The following NRG1 variants were observed in gnomAD, a reference collection of about 807,000 sequenced individuals.
NRG1 encodes pro-neuregulin-1, membrane-bound isoform.
NRG1 carries 18 observed loss-of-function variants against 63.8 expected under a neutral mutation model. The ratio of observed to expected loss-of-function variants is 0.28; its 90% CI spans 0.19 to 0.42. The LOEUF (loss-of-function observed/expected upper bound fraction) is 0.42, where lower values mean the gene tolerates loss of function less well. NRG1 is among the 10% of genes least tolerant of loss of function. The probability of loss-of-function intolerance (pLI) is 1.00; values close to 1 mark genes in which losing one functional copy is unlikely to be tolerated. For synonymous variants in NRG1, 302 were observed against 301.3 expected, an observed-to-expected ratio of 1.00 and a Z score of -0.02; for missense variants, 762 against 814.7, an observed-to-expected ratio of 0.94 and a Z score of 0.79.
intron 7 of NRG1, chr8:32,749,252 C>A: frequency 5.4e-6 from 2 of 369,504 alleles, no homozygotes; most frequent in Non-Finnish European, 9.7e-6. Context: ...CTTTCCATTC[C>A]CACACAAGGA....
At chr8:32,747,084 G>A (rs898833956) in intron 7 of NRG1, among the ~76,000 whole-genome samples, 6 of 151,934 alleles carry the variant, frequency 3.9e-5, no homozygotes, top group African/African-American at 1.2e-4. Flanking sequence ...ATGACTTCCC[G>A]TGAAATGAAA....
At chr8:31,979,044 C>T (rs1018295328) in intron 1 of NRG1, among the ~76,000 whole-genome samples, 2 of 152,158 alleles carry the variant, frequency 1.3e-5, no homozygotes, top group East Asian at 3.9e-4. Context: ...GCCTGATATT[C>T]AAGGTCTTCC....
At chr8:32,566,172 C>T (rs1837404874) in intron 1 of NRG1, among the ~76,000 whole-genome samples, 2 of 152,060 alleles carry the variant, frequency 1.3e-5, no homozygotes, top group Non-Finnish European at 2.9e-5. Context: ...GCCTGACCAA[C>T]ATGGCGAAAC....
intron 1 of NRG1, among the ~76,000 whole-genome samples, chr8:31,726,794 T>C (rs796144626): frequency 8.5e-5 from 13 of 152,236 alleles, no homozygotes; most frequent in African/African-American, 3.1e-4. Context: ...GAGGAGGGTT[T>C]GTACCCTTGC....
intron 5 of NRG1, among the ~76,000 whole-genome samples, chr8:32,679,231 A>G (rs1027993021): frequency 1.3e-5 from 2 of 152,218 alleles, no homozygotes; most frequent in East Asian, 3.8e-4. Flanking sequence ...TTGTACATAA[A>G]AGGTAAAGTG....
rs192794871 is a variant in NRG1 at position 31,989,857 on chromosome 8, T to A, written c.37+350426T>A. On this transcript the variant is annotated intron_variant, in intron 1 of 10. Transcript: ENST00000519301. ...TGTGGTTGGAATTTCTCTTGCTTGT[T>A]GATATATGTACTTTCCATGTTGGAC... is the stretch of plus-strand genomic sequence containing the variant. 6.6e-5 allele frequency among the ~76,000 whole-genome samples: 10 copies of A among 152,230 alleles called. No homozygotes were observed. The East Asian group carries it at 1.9e-3, about 30-fold the overall frequency.
intron 5 of NRG1, among the ~76,000 whole-genome samples, chr8:32,651,856 T>C (rs543323617): frequency 5.9e-5 from 9 of 152,266 alleles, no homozygotes; most frequent in African/African-American, 2.2e-4. Flanking sequence ...TTCAGAACAG[T>C]GATTTTAAAT....
chr8:32,595,895 G>A (rs1843263179), exon 2 of NRG1: 2 of 1,613,878 alleles, frequency 1.2e-6, no homozygotes, highest in Non-Finnish European at 1.7e-6. Flanking sequence ...TAGTCCTTCG[G>A]TGTGAAACCA....
chr8:31,963,528 A>T (rs929306877), intron 1 of NRG1, among the ~76,000 whole-genome samples: 1 of 152,202 alleles, frequency 6.6e-6, no homozygotes, highest in African/African-American at 2.4e-5. Flanking sequence ...ACCTATAATT[A>T]TTGCATAATT....
chr8:32,617,886 G>A (rs1389477400), intron 5 of NRG1, among the ~76,000 whole-genome samples: 2 of 152,104 alleles, frequency 1.3e-5, no homozygotes, highest in Admixed American at 1.3e-4. Context: ...CCTCCAGGTT[G>A]GTGATACTAG....
intron 1 of NRG1, among the ~76,000 whole-genome samples, chr8:32,415,437 G>A (rs1815751550): frequency 6.8e-6 from 1 of 147,684 alleles, no homozygotes; most frequent in South Asian, 2.1e-4. Flanking sequence ...AAAAAAAAAT[G>A]CGGCAATCAC....
chr8:31,881,028 T>C (rs1475789964), intron 1 of NRG1, among the ~76,000 whole-genome samples: 1 of 152,236 alleles, frequency 6.6e-6, no homozygotes, highest in South Asian at 2.1e-4. Context: ...ACTTAGAAAA[T>C]TATTCTTTTA....
intron 1 of NRG1, among the ~76,000 whole-genome samples, chr8:32,587,659 C>G (rs1224208917): frequency 6.6e-6 from 1 of 152,248 alleles, no homozygotes; most frequent in East Asian, 1.9e-4. Flanking sequence ...GATTCTTCCT[C>G]ATCCTTTCAG....
chr8:32,090,186 T>G (rs1828896469), intron 1 of NRG1, among the ~76,000 whole-genome samples: 1 of 152,328 alleles, frequency 6.6e-6, no homozygotes, highest in Admixed American at 6.5e-5. Flanking sequence ...GAATCATACC[T>G]TACATAGATC....
intron 1 of NRG1, among the ~76,000 whole-genome samples, chr8:31,720,023 T>C (rs1158188621): frequency 2.0e-5 from 3 of 152,164 alleles, no homozygotes; most frequent in African/African-American, 7.2e-5. Context: ...TCCTTATTTC[T>C]GTGTGAGTGT....
intron 1 of NRG1, among the ~76,000 whole-genome samples, chr8:31,914,532 G>A (rs768527238): frequency 6.6e-6 from 1 of 151,910 alleles, no homozygotes; most frequent in Non-Finnish European, 1.5e-5. Flanking sequence ...TGTCTATGCT[G>A]TACTGCAATT....
intron 1 of NRG1, among the ~76,000 whole-genome samples, chr8:31,777,021 C>A (rs190015588): frequency 1.3e-5 from 2 of 152,074 alleles, no homozygotes; most frequent in African/African-American, 4.8e-5. Flanking sequence ...TAGAAATACA[C>A]GTATGTTTAT....
chr8:32,630,398 C>A (rs1006154549), intron 5 of NRG1, among the ~76,000 whole-genome samples: 3 of 152,178 alleles, frequency 2.0e-5, no homozygotes, highest in African/African-American at 7.2e-5. Context: ...AATAATGCCA[C>A]AAACTTCATC....
At chr8:32,748,374 G>C (rs1409591697) in intron 7 of NRG1, among the ~76,000 whole-genome samples, 62 of 151,518 alleles carry the variant, frequency 4.1e-4, no homozygotes, top group Middle Eastern at 6.8e-3. Flanking sequence ...GAGAGAGAGA[G>C]AGAGAGAGAG....
Sources: gnomAD v4.1 joint callset for allele counts (sites outside exome capture counted in the v4.1 genomes callset) on GRCh38, gnomAD v4.1.1 for gene constraint, MANE v1.5 for transcripts, NCBI Gene and HGNC (gene_info 2026-07-23, HGNC 2026-07-21) for gene names.